KCNMB2: variants seen among roughly 807,000 people sequenced by gnomAD.
The protein encoded by KCNMB2 is potassium calcium-activated channel subfamily M regulatory beta subunit 2.
In KCNMB2, 9 loss-of-function variants were observed where a neutral mutation model predicts 24.5. That is an observed-to-expected ratio of 0.37 (90% confidence interval 0.22 to 0.64). The LOEUF (loss-of-function observed/expected upper bound fraction) is 0.64, where lower values mean the gene tolerates loss of function less well. Among genes scored for constraint, KCNMB2 ranks in the 30% least tolerant of loss-of-function variants. The pLI, the probability that KCNMB2 is intolerant of heterozygous loss-of-function variation, is 0.63. For synonymous variants in KCNMB2, 109 were observed against 104.4 expected, an observed-to-expected ratio of 1.04 and a Z score of -0.27; for missense variants, 226 against 284.3, an observed-to-expected ratio of 0.79 and a Z score of 1.47.
At chr3:178,805,695 C>T (rs959324588) in intron 1 of KCNMB2, among the ~76,000 whole-genome samples, 5 of 151,936 alleles carry the variant, frequency 3.3e-5, no homozygotes, top group African/African-American at 1.2e-4. Flanking sequence ...AGTGACACAA[C>T]CACGGCTCAC....
intron 4 of KCNMB2, chr3:178,841,667 C>T (rs1715434196): frequency 6.6e-6 from 1 of 152,156 alleles, no homozygotes; most frequent in Non-Finnish European, 1.5e-5. Flanking sequence ...AACTGTCAAA[C>T]AGTTTTAAAC....
intron 1 of KCNMB2, among the ~76,000 whole-genome samples, chr3:178,630,342 G>A (rs1449623210): frequency 3.9e-5 from 6 of 152,266 alleles, no homozygotes; most frequent in South Asian, 2.1e-4. Context: ...AATCATCTTC[G>A]AAATAAAATA....
At chr3:178,646,439 A>G (rs1719925881) in intron 1 of KCNMB2, among the ~76,000 whole-genome samples, 2 of 152,198 alleles carry the variant, frequency 1.3e-5, no homozygotes, top group Non-Finnish European at 2.9e-5. Context: ...TAGCTATGCC[A>G]GCCAGAAAAG....
intron 1 of KCNMB2, among the ~76,000 whole-genome samples, chr3:178,708,923 C>T (rs759679189): frequency 6.6e-5 from 10 of 152,002 alleles, no homozygotes; most frequent in Non-Finnish European, 1.2e-4. Flanking sequence ...AATGAATGAG[C>T]GAATGAATAA....
intron 1 of KCNMB2, among the ~76,000 whole-genome samples, chr3:178,626,256 T>G (rs1436729786): frequency 6.6e-6 from 1 of 152,226 alleles, no homozygotes; most frequent in Non-Finnish European, 1.5e-5. Context: ...GTCAGACCCA[T>G]GCAAGTTATT....
chr3:178,604,733 A>G (rs948778667), intron 1 of KCNMB2, among the ~76,000 whole-genome samples: 3 of 152,218 alleles, frequency 2.0e-5, no homozygotes, highest in Non-Finnish European at 4.4e-5. Flanking sequence ...GACTAATGAT[A>G]CTCATTCTGA....
At chr3:178,540,195 CCT>C (rs2108445706) in intron 1 of KCNMB2, among the ~76,000 whole-genome samples, 1 of 152,278 alleles carries the variant, frequency 6.6e-6, no homozygotes, top group African/African-American at 2.4e-5. Context: ...CCTCTGTGAT[CCT>C]CTCTTTCTTT....
At chr3:178,564,418 A>T (rs1402431841) in intron 1 of KCNMB2, among the ~76,000 whole-genome samples, 1 of 152,252 alleles carries the variant, frequency 6.6e-6, no homozygotes, top group Admixed American at 6.5e-5. Context: ...TGAATATCAT[A>T]GGTCTGAGAA....
At chr3:178,692,721 G>A (rs149097618) in intron 1 of KCNMB2, among the ~76,000 whole-genome samples, 80 of 152,074 alleles carry the variant, frequency 5.3e-4, no homozygotes, top group Middle Eastern at 6.8e-3. Context: ...TGTGTCAGCT[G>A]TTTGGGCTTT....
chr3:178,722,854 C>T (rs1443897295), intron 1 of KCNMB2, among the ~76,000 whole-genome samples: 1 of 152,148 alleles, frequency 6.6e-6, no homozygotes, highest in Non-Finnish European at 1.5e-5. Flanking sequence ...GATTGCACCA[C>T]TGCATTCCAA....
intron 1 of KCNMB2, among the ~76,000 whole-genome samples, chr3:178,603,338 C>T (rs1298657809): frequency 6.6e-6 from 1 of 152,050 alleles, no homozygotes; most frequent in Non-Finnish European, 1.5e-5. Flanking sequence ...GACAGAGACA[C>T]AGGTCAGGGA....
At position 178,654,335 on chromosome 3, in the gene KCNMB2, T is replaced by TA. The variant is rs1321907965; in HGVS notation, c.-68+117628dup. ...ATAAATACTTTAAACTGAAGGGTAG[T>TA]AAAAGCATCTCATGTCAACATATGA... On this transcript the variant is annotated intron_variant, in intron 1 of 4. Coordinates refer to ENST00000452583, the MANE Select transcript of KCNMB2 (RefSeq NM_181361.3). Among the ~76,000 whole-genome samples, 4 of 152,128 alleles carry TA rather than the reference T, an allele frequency of 2.6e-5. No homozygotes were observed. The East Asian group carries it at 7.7e-4, about 29-fold the overall frequency.
At chr3:178,732,527 T>C (rs1445708372) in intron 1 of KCNMB2, among the ~76,000 whole-genome samples, 1 of 152,182 alleles carries the variant, frequency 6.6e-6, no homozygotes, top group African/African-American at 2.4e-5. Context: ...GTTTTGTTGG[T>C]GATTTTATTG....
intron 1 of KCNMB2, among the ~76,000 whole-genome samples, chr3:178,600,483 A>G (rs1050288460): frequency 6.6e-6 from 1 of 152,236 alleles, no homozygotes; most frequent in Non-Finnish European, 1.5e-5. Flanking sequence ...TAAGGAATAC[A>G]TTGACTTTTA....
chr3:178,633,366 A>G lies in KCNMB2; in HGVS notation c.-68+96655A>G, dbSNP rs573804285. 4.9e-4 allele frequency among the ~76,000 whole-genome samples: 74 copies of G among 152,348 alleles called. 1 individual carries two copies. Among genetic ancestry groups the G allele is most frequent in the African/African-American group, 1.7e-3 (70 of 41,586 alleles). ...CCCTCCAGCAAACTTCTGACTGGAC[A>G]TACAGGCATTCCTATAAACCCTCTG... On this transcript the variant is annotated intron_variant, in intron 1 of 4. Coordinates refer to ENST00000452583, the MANE Select transcript of KCNMB2 (RefSeq NM_181361.3).
intron 1 of KCNMB2, among the ~76,000 whole-genome samples, chr3:178,662,382 G>T (rs1164363042): frequency 6.6e-6 from 1 of 152,042 alleles, no homozygotes; most frequent in African/African-American, 2.4e-5. Flanking sequence ...TTTGAAAAAC[G>T]ATTTGAGGTA....
chr3:178,586,582 G>A (rs7632098), intron 1 of KCNMB2, among the ~76,000 whole-genome samples: 46,071 of 120,306 alleles, frequency 0.38, 8,511 homozygotes, highest in African/African-American at 0.5. Context: ...GTCTCGCTCT[G>A]TCACCAGGCT....
chr3:178,713,198 G>C (rs926088063), intron 1 of KCNMB2, among the ~76,000 whole-genome samples: 7 of 152,200 alleles, frequency 4.6e-5, no homozygotes, highest in Non-Finnish European at 1.0e-4. Flanking sequence ...AGCATGTAAT[G>C]ATTACTTTGT....
At chr3:178,750,955 TA>T (rs1382399520) in intron 1 of KCNMB2, among the ~76,000 whole-genome samples, 1 of 152,186 alleles carries the variant, frequency 6.6e-6, no homozygotes, top group Non-Finnish European at 1.5e-5. Context: ...ACTTGTTATT[TA>T]AGGGAGGAGT....
Sources: gnomAD v4.1 joint callset for allele counts (sites outside exome capture counted in the v4.1 genomes callset) on GRCh38, gnomAD v4.1.1 for gene constraint, MANE v1.5 for transcripts, NCBI Gene and HGNC (gene_info 2026-07-23, HGNC 2026-07-21) for gene names.